SETX: variants seen among roughly 807,000 people sequenced by gnomAD.
SETX encodes senataxin, also known as helicase senataxin.
A neutral mutation model predicts 227.2 loss-of-function variants in SETX; 90 were observed. The observed-to-expected ratio is 0.40, with a 90% CI of 0.33 to 0.47. The LOEUF is 0.47. Among genes scored for constraint, SETX ranks in the 20% least tolerant of loss-of-function variants. The pLI is 0.91. For missense variants in SETX, 3,052 were observed against 3,181.5 expected, an observed-to-expected ratio of 0.96 and a Z score of 0.98; for synonymous variants, 1,210 against 1,113.2, an observed-to-expected ratio of 1.09 and a Z score of -1.73.
intron 4 of SETX, among the ~76,000 whole-genome samples, chr9:132,345,000 T>C (rs919435321): frequency 2.6e-5 from 4 of 152,122 alleles, no homozygotes; most frequent in African/African-American, 9.7e-5. Context: ...AGCCATGCCA[T>C]AGTGGTTAAT....
chr9:132,337,095 GTT>G (rs573857220), intron 5 of SETX, among the ~76,000 whole-genome samples: 1 of 151,354 alleles, frequency 6.6e-6, no homozygotes, highest in African/African-American at 2.4e-5. Context: ...AATATTTTTC[GTT>G]TTTTTTAAGT....
At chr9:132,346,958 G>A (rs979318066) in intron 3 of SETX, among the ~76,000 whole-genome samples, 3 of 151,758 alleles carry the variant, frequency 2.0e-5, no homozygotes, top group African/African-American at 7.3e-5. Context: ...CTGCCTCTAA[G>A]AGAAAAAGAA....
intron 3 of SETX, among the ~76,000 whole-genome samples, chr9:132,348,466 A>C (rs1373909193): frequency 2.0e-5 from 3 of 152,042 alleles, no homozygotes; most frequent in African/African-American, 7.2e-5. Flanking sequence ...AAAAATTATG[A>C]AACAAATCCC....
chr9:132,265,055 G>A (rs1842571929), intron 25 of SETX, 70 bp from the exon 26 acceptor site: 5 of 1,565,370 alleles, frequency 3.2e-6, no homozygotes, highest in Middle Eastern at 1.7e-4. Context: ...TAGAGTTCCA[G>A]CTTTCATTTC....
At chr9:132,271,328 C>T (rs1396753076) in intron 24 of SETX, among the ~76,000 whole-genome samples, 2 of 152,284 alleles carry the variant, frequency 1.3e-5, no homozygotes, top group Non-Finnish European at 2.9e-5. Context: ...TTTTGGGAGG[C>T]CAAAGTGGGT....
chr9:132,328,791 G>C lies in SETX; in HGVS notation c.2807C>G (p.Ser936Cys). The change falls in exon 10 of 26, where the codon TCT becomes TGT. Residue 936 changes from serine to cysteine, a missense_variant. Ser to Cys is a moderately radical substitution (Grantham distance 112, BLOSUM62 -1). This residue lies in a region of SETX where 1,483 missense variants were observed against 1,312.0 expected (regional missense o/e 1.13). Coordinates refer to ENST00000224140, the MANE Select transcript of SETX (RefSeq NM_015046.7). Reference protein sequence around the residue: ...EMSNSTSVIYSNLTREQAPDI... With the variant: ...EMSNSTSVIYCNLTREQAPDI... ...AGGGGCCTGTTCTCTTGTCAAGTTA[G>C]AATAAATCACACTGGTACTATTACT... 1 of 1,611,002 alleles carries C rather than the reference G, an allele frequency of 6.2e-7. No individual in the cohort carries two copies. Among genetic ancestry groups the C allele is most frequent in the Non-Finnish European group, 8.5e-7 (1 of 1,178,798 alleles).
Position 132,349,143 on chromosome 9 carries a change from A to G in SETX, c.177+109T>C, listed in dbSNP as rs565875707. ...AACAAAAACAAAAAAAAAAACCCAC[A>G]AAGTTGAAATCGTATCATCATTTCT... On this transcript the variant is annotated intron_variant, in intron 3 of 25. Transcript: ENST00000224140. 2.4e-5 allele frequency: 27 copies of G among 1,133,578 alleles called. 1 individual carries two copies. Among genetic ancestry groups the G allele is most frequent in the Admixed American group, 4.4e-5 (2 of 45,818 alleles). The allele number at this position is 1,133,578 out of a possible 1,614,324, so 70.2% of individuals were successfully genotyped here.
At chr9:132,272,070 G>GA (rs917118450) in intron 23 of SETX, among the ~76,000 whole-genome samples, 6 of 152,112 alleles carry the variant, frequency 3.9e-5, no homozygotes, top group African/African-American at 1.4e-4. Context: ...TTTTAGTAGA[G>GA]ACTGGGTTTC....
At chr9:132,293,655 G>A (rs1196848439) in intron 15 of SETX, among the ~76,000 whole-genome samples, 3 of 152,066 alleles carry the variant, frequency 2.0e-5, no homozygotes, top group Non-Finnish European at 4.4e-5. Flanking sequence ...CCTGACCTCA[G>A]GTGATCCATC....
intron 14 of SETX, among the ~76,000 whole-genome samples, chr9:132,296,302 C>T (rs1056836283): frequency 6.6e-6 from 1 of 152,226 alleles, no homozygotes; most frequent in African/African-American, 2.4e-5. Context: ...CCTGTAATCC[C>T]AGCACTTCGG....
In SETX at chr9:132,283,496, A is replaced by ATTAAATAAT. The variant is rs1351513570; in HGVS notation, c.6397-84_6397-83insATTATTTAA. ...GGCCTATGTTTACTATAAAACACTCACTATTTATTAAAATAGATTTATGAC... is the reference window on the plus strand; with the variant it reads ...GGCCTATGTTTACTATAAAACACTCATTAAATAATCTATTTATTAAAATAGATTTATGAC... On this transcript the variant is annotated intron_variant, in intron 18 of 25. Transcript: ENST00000224140. 3.2e-5 allele frequency: 48 copies of ATTAAATAAT among 1,484,124 alleles called. No individual in the cohort carries two copies. The African/African-American group carries it at 6.5e-4, about 20-fold the overall frequency. The allele number at this position is 1,484,124 out of a possible 1,614,324, so 91.9% of individuals were successfully genotyped here. A position where few individuals can be genotyped will look rare whatever the true frequency, so the allele number is the denominator to read the frequency against.
chr9:132,344,075 A>G (rs1440419384), intron 4 of SETX, among the ~76,000 whole-genome samples: 1 of 152,202 alleles, frequency 6.6e-6, no homozygotes, highest in Non-Finnish European at 1.5e-5. Context: ...GTTGGCCCTG[A>G]GAAATCAGCG....
intron 10 of SETX, among the ~76,000 whole-genome samples, chr9:132,320,791 A>T (rs986378295): frequency 6.6e-6 from 1 of 152,144 alleles, no homozygotes; most frequent in Non-Finnish European, 1.5e-5. Flanking sequence ...AAGAGATTTT[A>T]AAAAACAGCA....
intron 11 of SETX, among the ~76,000 whole-genome samples, chr9:132,309,030 C>T (rs1428019289): frequency 6.6e-6 from 1 of 151,986 alleles, no homozygotes; most frequent in African/African-American, 2.4e-5. Context: ...CCTAGCTACT[C>T]GGGAGGTTGA....
chr9:132,289,358 A>C (rs2131251712), intron 15 of SETX, among the ~76,000 whole-genome samples: 2 of 152,280 alleles, frequency 1.3e-5, no homozygotes, highest in East Asian at 3.9e-4. Context: ...CCATTCCTAT[A>C]CATTAGGTGT....
rs751236853 is a variant in SETX, at chr9:132,300,771, G to C, written c.5407C>G (p.Leu1803Val). ...YLEECELAKQ[L>V]YPKENDLVFL... ...ACCAAATCGTTTTCCTTTGGATAAA[G>C]CTGTTTAGCCAGTTCACATTCTTCC... Residue 1803 changes from leucine (L) to valine (V), a missense_variant, in exon 12 of 26, where the codon CTT (leucine) becomes GTT (valine). Transcript: ENST00000224140. 6.2e-7 allele frequency: 1 copy of C among 1,613,344 alleles called. No individual in the cohort carries two copies. The highest frequency in any genetic ancestry group is 1.1e-5 in the South Asian group (1 of 91,068).
chr9:132,273,530 T>G (rs1842998951), intron 23 of SETX, among the ~76,000 whole-genome samples: 1 of 152,260 alleles, frequency 6.6e-6, no homozygotes, highest in Admixed American at 6.5e-5. Context: ...CTTATACTTC[T>G]TTGGTTCTAT....
At chr9:132,288,425 G>A (rs1844060388) in intron 16 of SETX, 74 bp from the exon 17 acceptor site, 1 of 1,421,618 alleles carries the variant, frequency 7.0e-7, no homozygotes, top group South Asian at 1.2e-5. Context: ...ACAACACAAT[G>A]AGAAGGAAAA....
At chr9:132,340,587 T>C (rs1177177256) in intron 5 of SETX, among the ~76,000 whole-genome samples, 2 of 152,180 alleles carry the variant, frequency 1.3e-5, no homozygotes, top group African/African-American at 4.8e-5. Flanking sequence ...CTAAGTCAGG[T>C]CGTCACCCTT....
Sources: allele counts gnomAD v4.1 joint callset (sites outside exome capture counted in the v4.1 genomes callset), GRCh38; gene constraint gnomAD v4.1.1; regional missense constraint gnomAD v4.1.1; transcripts MANE v1.5; gene names NCBI Gene and HGNC (gene_info 2026-07-23, HGNC 2026-07-21).